TTYH2: variants seen among roughly 807,000 people sequenced by gnomAD.
The protein encoded by TTYH2 is tweety family member 2.
TTYH2 carries 49 observed loss-of-function variants against 68.3 expected under a neutral mutation model. The observed-to-expected ratio is 0.72, with a 90% CI of 0.57 to 0.91. The LOEUF (loss-of-function observed/expected upper bound fraction) is 0.91, where lower values mean the gene tolerates loss of function less well. Among genes scored for constraint, TTYH2 ranks in the 40% least tolerant of loss-of-function variants. The pLI, the probability that TTYH2 is intolerant of heterozygous loss-of-function variation, is 0.00. For synonymous variants in TTYH2, 272 were observed against 300.8 expected, an observed-to-expected ratio of 0.90 and a Z score of 0.99; for missense variants, 631 against 700.4, an observed-to-expected ratio of 0.90 and a Z score of 1.12.
At chr17:74,250,200 G>T in intron 9 of TTYH2, 65 bp from the exon 10 acceptor site, 3 of 1,526,442 alleles carry the variant, frequency 2.0e-6, no homozygotes, top group Non-Finnish European at 2.7e-6. Flanking sequence ...CAGCTGCTGT[G>T]GTGGTTTTCT....
rs1026678512 is a variant in TTYH2, at chr17:74,222,856, TCCCAAGTGGCCC to T, written c.302+204_302+215del. Among the ~76,000 whole-genome samples the T allele has an allele frequency of 6.6e-6, 1 of 151,778 alleles. No individual in the cohort carries two copies. Among genetic ancestry groups the T allele is most frequent in the Non-Finnish European group, 1.5e-5 (1 of 67,930 alleles). On this transcript the variant is annotated intron_variant, in intron 2 of 13. Transcript: ENST00000269346. The surrounding 1 kb of genome is among the most constrained non-coding windows in gnomAD (Gnocchi z 5.2). ...TGGTGATGGGGTCTCCAGAAAGGTC[TCCCAAGTGGCCC>T]CCCACAAACCCTGCCCCAATGTGGG...
Position 74,241,485 on chromosome 17 carries a change from G to A in TTYH2, c.636-1889G>A, listed in dbSNP as rs1363360845. On this transcript the variant is annotated intron_variant, in intron 4 of 13. Transcript: ENST00000269346. This position sits in a 1 kb window ranked among gnomAD's most constrained non-coding sequence, Gnocchi z 4.1. The stretch of plus-strand genomic sequence containing the variant: ...TGCCCCCTGCTCGTGCAGAGACAAG[G>A]ACTTTGATTAGTCCCCTTCTTTTGG... Among the ~76,000 whole-genome samples, 1 of 152,138 alleles carries A rather than the reference G, an allele frequency of 6.6e-6. No homozygotes were observed. Among genetic ancestry groups the A allele is most frequent in the African/African-American group, 2.4e-5 (1 of 41,406 alleles).
intron 6 of TTYH2, 141 bp from the exon 7 acceptor site, chr17:74,248,870 C>T: frequency 1.3e-6 from 2 of 1,499,974 alleles, no homozygotes; most frequent in South Asian, 2.6e-5. Context: ...AGGTTTGAAC[C>T]CAGGAGGCTG....
intron 2 of TTYH2, 71 bp from the exon 3 acceptor site, chr17:74,230,817 T>C: frequency 2.0e-6 from 3 of 1,532,766 alleles, no homozygotes; most frequent in Non-Finnish European, 2.7e-6. Context: ...ACCCTAAGCT[T>C]ATTTTTTAAT....
At position 74,232,398 on chromosome 17, in the gene TTYH2, C is replaced by T. The variant is rs2050398890; in HGVS notation, c.414+1399C>T. Among the ~76,000 whole-genome samples, 1 of 152,226 alleles carries T rather than the reference C, an allele frequency of 6.6e-6. No individual in the cohort carries two copies. Among genetic ancestry groups the T allele is most frequent in the Non-Finnish European group, 1.5e-5 (1 of 68,026 alleles). On this transcript the variant is annotated intron_variant, in intron 3 of 13. Transcript: ENST00000269346. This position sits in a 1 kb window ranked among gnomAD's most constrained non-coding sequence, Gnocchi z 5.1. ...CTGGTCCTTTGCAGAGTTCATTCCA[C>T]CGCCCGTGTCCACTGGGACCCATCC...
intron 1 of TTYH2, among the ~76,000 whole-genome samples, chr17:74,218,636 G>T (rs549689395): frequency 5.3e-5 from 8 of 152,350 alleles, no homozygotes; most frequent in Non-Finnish European, 8.8e-5. Context: ...GCCCAGCTTG[G>T]AGAGGCCCCA....
At chr17:74,233,550 C>T (rs930122598) in intron 3 of TTYH2, among the ~76,000 whole-genome samples, 1 of 152,150 alleles carries the variant, frequency 6.6e-6, no homozygotes, top group Non-Finnish European at 1.5e-5. Context: ...ACAGGTCAGG[C>T]AGGACCTGGA....
intron 1 of TTYH2, among the ~76,000 whole-genome samples, chr17:74,219,214 T>TAAAA (rs1330027032): frequency 2.4e-5 from 3 of 126,174 alleles, no homozygotes; most frequent in African/African-American, 1.2e-4. Context: ...AGACTCCGTC[T>TAAAA]CAAAAAAAAA....
intron 3 of TTYH2, among the ~76,000 whole-genome samples, chr17:74,235,539 G>A (rs981050973): frequency 6.6e-5 from 10 of 152,198 alleles, no homozygotes; most frequent in Non-Finnish European, 1.5e-4. Flanking sequence ...TAACCAGTAC[G>A]AGCCCTGCCT....
At position 74,239,756 on chromosome 17, in the gene TTYH2, T is replaced by C. The variant is rs2050480710; in HGVS notation, c.635+2242T>C. Among the ~76,000 whole-genome samples the C allele has an allele frequency of 6.6e-6, 1 of 152,104 alleles. No individual in the cohort carries two copies. Among genetic ancestry groups the C allele is most frequent in the African/African-American group, 2.4e-5 (1 of 41,434 alleles). ...ATGCTCATGGGCAAAAGAGCCTCCC[T>C]CCCAAGGGACAGAAGGAAACTGCCA... On this transcript the variant is annotated intron_variant, in intron 4 of 13. Transcript: ENST00000269346. The surrounding 1 kb of genome is among the most constrained non-coding windows in gnomAD (Gnocchi z 5.3).
chr17:74,249,428 C>T, intron 8 of TTYH2, 29 bp downstream of exon 8: 1 of 1,611,718 alleles, frequency 6.2e-7, no homozygotes, highest in East Asian at 2.2e-5. Context: ...TGCCCTCACC[C>T]TGCCCACAGC....
At chr17:74,245,052 C>T (rs1337155612) in intron 6 of TTYH2, among the ~76,000 whole-genome samples, 1 of 152,158 alleles carries the variant, frequency 6.6e-6, no homozygotes, top group African/African-American at 2.4e-5. Flanking sequence ...GTGGCTTGTA[C>T]AAGAAGCTCC....
At chr17:74,252,904 G>T (rs992922640) in intron 11 of TTYH2, among the ~76,000 whole-genome samples, 177 bp from the exon 12 acceptor site, 3 of 152,166 alleles carry the variant, frequency 2.0e-5, no homozygotes, top group Non-Finnish European at 2.9e-5. Flanking sequence ...GTGAAGCTGG[G>T]AATGGGCCAG....
rs747964685 is a variant in TTYH2, at chr17:74,230,847, T to C, written c.303-41T>C. On this transcript the variant is annotated intron_variant, in intron 2 of 13. Transcript: ENST00000269346. ...TTTAATATAAGCAAACATTCTCCTC[T>C]GTGTATCACCTCTAACCTCTGTTTG... 1.6e-4 allele frequency: 249 copies of C among 1,596,714 alleles called. 2 individuals are homozygous for C. The South Asian group carries it at 2.7e-3, about 17-fold the overall frequency.
At chr17:74,221,333 C>A (rs920061794) in intron 1 of TTYH2, among the ~76,000 whole-genome samples, 2 of 152,224 alleles carry the variant, frequency 1.3e-5, no homozygotes, top group African/African-American at 4.8e-5. Context: ...ACTGCAGAGC[C>A]CGGCCTTGGT....
Position 74,237,394 on chromosome 17 carries a change from A to C in TTYH2, c.515A>C (p.Lys172Thr). ...AARGDYLQTL[K>T]FIQQMAGSVV... ...CGGGGCGATTACCTGCAGACCCTGA[A>C]GTTCATACAGCAGATGGCGGGCAGC... Residue 172 changes from lysine to threonine, a missense_variant, in exon 4 of 14, where the codon AAG (lysine) becomes ACG (threonine). Transcript: ENST00000269346. The C allele has an allele frequency of 6.2e-7, 1 of 1,614,132 alleles. No individual in the cohort carries two copies. The highest frequency in any genetic ancestry group is 8.5e-7 in the Non-Finnish European group (1 of 1,180,022).
At chr17:74,244,801 G>A (rs1470206617) in intron 6 of TTYH2, among the ~76,000 whole-genome samples, 1 of 152,150 alleles carries the variant, frequency 6.6e-6, no homozygotes, top group East Asian at 1.9e-4. Flanking sequence ...GCCTTTGGAA[G>A]CAAGACTCAT....
Position 74,215,299 on chromosome 17 carries a change from G to C in TTYH2, c.129+1583G>C, listed in dbSNP as rs2050211936. 6.6e-6 allele frequency among the ~76,000 whole-genome samples: 1 copy of C among 151,992 alleles called. No homozygotes were observed. Among genetic ancestry groups the C allele is most frequent in the Admixed American group, 6.6e-5 (1 of 15,262 alleles). On this transcript the variant is annotated intron_variant, in intron 1 of 13. Coordinates refer to ENST00000269346, the MANE Select transcript of TTYH2 (RefSeq NM_032646.6). The surrounding 1 kb of genome is among the most constrained non-coding windows in gnomAD (Gnocchi z 4.3). ...GGAGGAAATCTAAACTTTTCATTGG[G>C]TCAAGAAGACCCCTAGGTGGGGGTA... is the stretch of plus-strand genomic sequence containing the variant.
intron 3 of TTYH2, 88 bp downstream of exon 3, chr17:74,231,087 G>C: frequency 8.1e-7 from 1 of 1,235,882 alleles, no homozygotes; most frequent in Non-Finnish European, 1.2e-6. Context: ...ATCCCAGCTA[G>C]CTCAGCTGCA....
Sources: gnomAD v4.1 joint callset for allele counts (sites outside exome capture counted in the v4.1 genomes callset) on GRCh38, gnomAD v4.1.1 for gene constraint, Gnocchi (gnomAD v3.1) non-coding constraint, MANE v1.5 for transcripts, NCBI Gene and HGNC (gene_info 2026-07-23, HGNC 2026-07-21) for gene names.